The following PLAGL1 variants were observed in gnomAD, a reference collection of about 807,000 sequenced individuals.
The protein encoded by PLAGL1 is zinc finger protein PLAGL1.
A neutral mutation model predicts 4.6 loss-of-function variants in PLAGL1; 1 was observed. The ratio of observed to expected loss-of-function variants is 0.22; its 90% CI spans 0.08 to 1.03. The LOEUF (loss-of-function observed/expected upper bound fraction) is 1.03, where lower values mean the gene tolerates loss of function less well. Ranked by LOEUF, PLAGL1 falls within the 50% of genes least tolerant of loss-of-function variation. PLAGL1 has a pLI of 0.58. For synonymous variants in PLAGL1, 240 were observed against 237.8 expected (o/e 1.01, Z -0.08); for missense variants, 464 against 570.4 (o/e 0.81, Z 1.90).
At chr6:144,046,048 C>T (rs1798120469) in intron 1 of PLAGL1, among the ~76,000 whole-genome samples, 1 of 152,188 alleles carries the variant, frequency 6.6e-6, no homozygotes, top group African/African-American at 2.4e-5. Flanking sequence ...CATTTAAGTT[C>T]TTCTCTACAC....
At position 144,063,365 on chromosome 6, in the gene PLAGL1, C is replaced by A. The variant is rs1315753483; in HGVS notation, c.-151+1103G>T. Among the ~76,000 whole-genome samples, 1 of 152,112 alleles carries A rather than the reference C, an allele frequency of 6.6e-6. No homozygotes were observed. The highest frequency in any genetic ancestry group is 1.9e-4 in the East Asian group (1 of 5,184). Reference sequence around the variant, plus strand: ...TTCTCCTTCCTGATGCCTAACTAGGCGTCCCCAGCCATATCCCCGGGGCAG... The same window carrying A: ...TTCTCCTTCCTGATGCCTAACTAGGAGTCCCCAGCCATATCCCCGGGGCAG... On this transcript the variant is annotated intron_variant, in intron 1 of 3. Coordinates refer to the PLAGL1 transcript ENST00000437412. This position sits in a 1 kb window ranked among gnomAD's most constrained non-coding sequence, Gnocchi z 5.7.
In PLAGL1 at chr6:143,990,877, A is replaced by G. The variant is rs1420342412; in HGVS notation, c.-583-5703T>C. ...TTGTTTTTCATTATTTTTAATTGAG[A>G]AAAAGGACCTTGCTTTGCCTATGAA... On this transcript the variant is annotated intron_variant, in intron 1 of 7. Coordinates refer to ENST00000674357, the MANE Select transcript of PLAGL1 (RefSeq NM_001317162.2). The surrounding 1 kb of genome is among the most constrained non-coding windows in gnomAD (Gnocchi z 5.4). Among the ~76,000 whole-genome samples, 5 of 152,178 alleles carry G rather than the reference A, an allele frequency of 3.3e-5. No individual in the cohort carries two copies. Among genetic ancestry groups the G allele is most frequent in the Admixed American group, 6.5e-5 (1 of 15,280 alleles).
Position 143,953,221 on chromosome 6 carries a change from G to A in PLAGL1, c.-324-4761C>T, listed in dbSNP as rs916933886. 1.3e-5 allele frequency among the ~76,000 whole-genome samples: 2 copies of A among 152,176 alleles called. No homozygotes were observed. Among genetic ancestry groups the A allele is most frequent in the African/African-American group, 4.8e-5 (2 of 41,442 alleles). On this transcript the variant is annotated intron_variant, in intron 6 of 7. Coordinates refer to ENST00000674357, the MANE Select transcript of PLAGL1 (RefSeq NM_001317162.2). This position sits in a 1 kb window ranked among gnomAD's most constrained non-coding sequence, Gnocchi z 5.3. Reference sequence around the variant, plus strand: ...TAGAGATCTCCACCTTAATATGTTTGAAGAGCTTTCACTCTAGTTTATCCT... The same window carrying A: ...TAGAGATCTCCACCTTAATATGTTTAAAGAGCTTTCACTCTAGTTTATCCT...
chr6:143,981,841 C>A (rs1437188950), intron 2 of PLAGL1, among the ~76,000 whole-genome samples: 1 of 152,192 alleles, frequency 6.6e-6, no homozygotes, highest in African/African-American at 2.4e-5. Flanking sequence ...CAGTCAGCAA[C>A]TAGAGAAGGG....
chr6:143,985,374 G>A lies in PLAGL1; in HGVS notation c.-583-200C>T, dbSNP rs907584651. Among the ~76,000 whole-genome samples the A allele has an allele frequency of 2.0e-5, 3 of 151,936 alleles. No homozygotes were observed. The highest frequency in any genetic ancestry group is 2.9e-5 in the Non-Finnish European group (2 of 67,998). On this transcript the variant is annotated intron_variant, in intron 1 of 7. Coordinates refer to ENST00000674357, the MANE Select transcript of PLAGL1 (RefSeq NM_001317162.2). This position sits in a 1 kb window ranked among gnomAD's most constrained non-coding sequence, Gnocchi z 4.4. ...TATTAATACCATCTACTAGTCTATCGCGATTTCCCATTTAATTGTATTAGT... is the reference window on the plus strand; with the variant it reads ...TATTAATACCATCTACTAGTCTATCACGATTTCCCATTTAATTGTATTAGT...
chr6:144,046,686 TCAAA>T (rs934866841), intron 1 of PLAGL1, among the ~76,000 whole-genome samples: 4 of 152,162 alleles, frequency 2.6e-5, no homozygotes, highest in East Asian at 1.9e-4. Context: ...TTCTCAAAGC[TCAAA>T]CACTGTGCTG....
chr6:143,996,148 A>T (rs1791567099), intron 1 of PLAGL1, among the ~76,000 whole-genome samples: 1 of 152,194 alleles, frequency 6.6e-6, no homozygotes, highest in African/African-American at 2.4e-5. Flanking sequence ...AAGAAGAAAC[A>T]TGGGGTGATT....
chr6:144,008,924 A>G (rs1232682199), upstream of PLAGL1: 1 of 152,240 alleles, frequency 6.6e-6, no homozygotes, highest in Admixed American at 6.5e-5. The surrounding 1 kb of genome is among the most constrained non-coding windows in gnomAD (Gnocchi z 6.9). Flanking sequence ...TAATTACGGT[A>G]TCACACTACG....
chr6:144,016,046 G>T lies in PLAGL1; in HGVS notation c.-150-47068C>A, dbSNP rs910583346. Reference sequence around the variant, plus strand: ...AACAACAACACTGTGCGGAGTCAAAGAAATCATATTGTATTAGTCAGGGTT... The same window carrying T: ...AACAACAACACTGTGCGGAGTCAAATAAATCATATTGTATTAGTCAGGGTT... On this transcript the variant is annotated intron_variant, in intron 1 of 3. Transcript: ENST00000437412. The surrounding 1 kb of genome is among the most constrained non-coding windows in gnomAD (Gnocchi z 4.2). Among the ~76,000 whole-genome samples, 5 of 152,068 alleles carry T rather than the reference G, an allele frequency of 3.3e-5. No individual in the cohort carries two copies. The highest frequency in any genetic ancestry group is 1.2e-4 in the African/African-American group (5 of 41,398).
At chr6:144,045,895 C>T (rs973966930) in intron 1 of PLAGL1, among the ~76,000 whole-genome samples, 2 of 152,132 alleles carry the variant, frequency 1.3e-5, no homozygotes, top group African/African-American at 4.8e-5. Context: ...TTCTTTTACT[C>T]TTTTTTCTCT....
At chr6:143,969,257 G>T (rs1326294191) in intron 2 of PLAGL1, among the ~76,000 whole-genome samples, 1 of 151,964 alleles carries the variant, frequency 6.6e-6, no homozygotes, top group East Asian at 1.9e-4. Flanking sequence ...TCCAATCTTG[G>T]TGCCACCTGG....
rs576301216 is a variant in PLAGL1 at position 143,971,840 on chromosome 6, C to T, written c.-543-2862G>A. ...CTAAATTCGGTCAAGTAAAAGTCTACAAAATTCTAAATGAAAAGTTTTTTC... is the reference window on the plus strand; with the variant it reads ...CTAAATTCGGTCAAGTAAAAGTCTATAAAATTCTAAATGAAAAGTTTTTTC... On this transcript the variant is annotated intron_variant, in intron 2 of 7. Coordinates refer to ENST00000674357, the MANE Select transcript of PLAGL1 (RefSeq NM_001317162.2). This position sits in a 1 kb window ranked among gnomAD's most constrained non-coding sequence, Gnocchi z 4.7. 1.1e-4 allele frequency among the ~76,000 whole-genome samples: 16 copies of T among 152,226 alleles called. No individual in the cohort carries two copies. Among genetic ancestry groups the T allele is most frequent in the African/African-American group, 3.1e-4 (13 of 41,540 alleles).
chr6:143,946,743 T>A (rs1290304447), intron 7 of PLAGL1, among the ~76,000 whole-genome samples: 1 of 152,206 alleles, frequency 6.6e-6, no homozygotes, highest in African/African-American at 2.4e-5. Context: ...AAAGCCTGGC[T>A]CTCTCCAGGC....
upstream of PLAGL1, among the ~76,000 whole-genome samples, chr6:144,012,659 G>A (rs902962729): frequency 2.0e-5 from 3 of 152,040 alleles, no homozygotes; most frequent in South Asian, 4.2e-4. The surrounding 1 kb of genome is among the most constrained non-coding windows in gnomAD (Gnocchi z 4.8). Flanking sequence ...TTATCTTTAG[G>A]TTATTTCCAC....
intron 1 of PLAGL1, among the ~76,000 whole-genome samples, chr6:143,999,211 T>A (rs994949838): frequency 7.9e-5 from 12 of 151,930 alleles, no homozygotes; most frequent in East Asian, 3.8e-4. Flanking sequence ...TTTATTAATT[T>A]AAAAAAAATG....
In PLAGL1 at chr6:144,015,324, A is replaced by G. The variant is rs1178333775; in HGVS notation, c.-150-46346T>C. 4.6e-5 allele frequency among the ~76,000 whole-genome samples: 7 copies of G among 152,246 alleles called. No homozygotes were observed. The highest frequency in any genetic ancestry group is 2.6e-4 in the Admixed American group (4 of 15,290). On this transcript the variant is annotated intron_variant, in intron 1 of 3. Coordinates refer to the PLAGL1 transcript ENST00000437412. The surrounding 1 kb of genome is among the most constrained non-coding windows in gnomAD (Gnocchi z 4.3). ...ATTTTAAATTACCTATCTAGCTTACATGATATTTCTGTTTGACAACACTGT... is the reference window on the plus strand; with the variant it reads ...ATTTTAAATTACCTATCTAGCTTACGTGATATTTCTGTTTGACAACACTGT...
rs1409836517 is a variant in PLAGL1 at position 143,949,394 on chromosome 6, C to T, written c.-324-934G>A. Among the ~76,000 whole-genome samples the T allele has an allele frequency of 6.6e-6, 1 of 152,226 alleles. No individual in the cohort carries two copies. The highest frequency in any genetic ancestry group is 2.4e-5 in the African/African-American group (1 of 41,458). ...AGCCTGCATCATGAACAATACTCCA[C>T]TTACTAGGGTGGCTTTCCACCCAAG... On this transcript the variant is annotated intron_variant, in intron 6 of 7. Coordinates refer to ENST00000674357, the MANE Select transcript of PLAGL1 (RefSeq NM_001317162.2). This position sits in a 1 kb window ranked among gnomAD's most constrained non-coding sequence, Gnocchi z 5.3.
Position 143,941,143 on chromosome 6 carries a change from C to CACTT in PLAGL1, c.*277_*280dup, listed in dbSNP as rs1043408315. 16 of 264,334 alleles carry CACTT rather than the reference C, an allele frequency of 6.1e-5. No homozygotes were observed. The highest frequency in any genetic ancestry group is 2.1e-4 in the East Asian group (3 of 14,504). 16.4% of individuals were successfully genotyped at this position (264,334 alleles called of 1,614,324 possible). Reference sequence around the variant, plus strand: ...TTACGATTAAATTCCATATGACAAACACTTATATATAGCAGCCGTCATTTT... The same window carrying CACTT: ...TTACGATTAAATTCCATATGACAAACACTTACTTATATATAGCAGCCGTCATTTT... On this transcript the variant is annotated 3_prime_UTR_variant, in exon 8 of 8. Transcript: ENST00000674357. This position sits in a 1 kb window ranked among gnomAD's most constrained non-coding sequence, Gnocchi z 6.0.
rs979481408 is a variant in PLAGL1, at chr6:143,990,119, A to T, written c.-583-4945T>A. ...ACATACTATGCTCTGATATTCCCCAATTTTTTTTTTTTTCTTTTTTGAGAT... is the reference window on the plus strand; with the variant it reads ...ACATACTATGCTCTGATATTCCCCATTTTTTTTTTTTTTCTTTTTTGAGAT... On this transcript the variant is annotated intron_variant, in intron 1 of 7. Coordinates refer to ENST00000674357, the MANE Select transcript of PLAGL1 (RefSeq NM_001317162.2). This position sits in a 1 kb window ranked among gnomAD's most constrained non-coding sequence, Gnocchi z 5.4. Among the ~76,000 whole-genome samples, 379 of 144,526 alleles carry T rather than the reference A, an allele frequency of 2.6e-3. 6 individuals carry two copies. Among genetic ancestry groups the T allele is most frequent in the Middle Eastern group, 3.7e-3 (1 of 272 alleles). 94.8% of individuals were successfully genotyped at this position (144,526 alleles called of 152,430 possible). A position where few individuals can be genotyped will look rare whatever the true frequency, so the allele number is the denominator to read the frequency against.
Sources: allele counts gnomAD v4.1 joint callset (sites outside exome capture counted in the v4.1 genomes callset), GRCh38; gene constraint gnomAD v4.1.1; non-coding constraint Gnocchi (gnomAD v3.1); transcripts MANE v1.5; gene names NCBI Gene and HGNC (gene_info 2026-07-23, HGNC 2026-07-21).